Variants in MID1 observed in about 807,000 individuals in gnomAD.
MID1 encodes the protein E3 ubiquitin-protein ligase Midline-1.
Under a neutral mutation model 40.4 loss-of-function variants are expected in MID1, and 7 were observed. That is an observed-to-expected ratio of 0.17 (90% confidence interval 0.10 to 0.33). MID1 has a LOEUF of 0.33. Among genes scored for constraint, MID1 ranks in the 10% least tolerant of loss-of-function variants. The pLI is 1.00. For missense variants in MID1, 367 were observed against 558.5 expected (o/e 0.66, Z 3.46); for synonymous variants, 229 against 221.2 (o/e 1.04, Z -0.31).
At chrX:10,752,106 T>C (rs61120723) in intron 1 of MID1, among the ~76,000 whole-genome samples, 11,580 of 111,127 alleles carry the variant, frequency 0.1, 1,482 homozygotes, top group African/African-American at 0.36. Context: ...CCTGCAGAAC[T>C]GTGAGCCTAA....
intron 1 of MID1, among the ~76,000 whole-genome samples, chrX:10,686,040 G>T (rs1390014564): frequency 1.8e-5 from 2 of 111,698 alleles, no homozygotes; most frequent in African/African-American, 6.5e-5. Context: ...TAACAAGGAT[G>T]TGTCTGTGCC....
In MID1 at chrX:10,793,904, T is replaced by G. The variant is rs73491037; in HGVS notation, c.-187+39650A>C. Among the ~76,000 whole-genome samples, 8 of 111,440 alleles carry G rather than the reference T, an allele frequency of 7.2e-5. No homozygotes were observed. The East Asian group carries it at 1.7e-3, about 24-fold the overall frequency. ...TTTGTAAAGCTCTGACCATCTGATA[T>G]TCTTCCTTCCATCTCATCCTCCCTT... is the stretch of plus-strand genomic sequence containing the variant. On this transcript the variant is annotated intron_variant, in intron 1 of 10. Coordinates refer to the MID1 transcript ENST00000380785.
At chrX:10,501,357 C>T in intron 3 of MID1, 1 of 1,082,379 alleles carries the variant, frequency 9.2e-7, no homozygotes, top group Non-Finnish European at 1.2e-6. Flanking sequence ...GAAACTCAGT[C>T]ACTTTCACCT....
At chrX:10,699,582 C>T (rs996397824) in intron 1 of MID1, among the ~76,000 whole-genome samples, 5 of 111,531 alleles carry the variant, frequency 4.5e-5, no homozygotes, top group African/African-American at 1.6e-4. Flanking sequence ...GCTGATCTTT[C>T]CCTGGAGCAG....
chrX:10,508,200 A>G (rs1931940237), intron 3 of MID1, among the ~76,000 whole-genome samples: 1 of 112,251 alleles, frequency 8.9e-6, no homozygotes, highest in African/African-American at 3.2e-5. Context: ...AAGTGCACAC[A>G]TAATTAACTG....
At chrX:10,460,132 C>T (rs1286195429) in intron 7 of MID1, 1 of 324,829 alleles carries the variant, frequency 3.1e-6, no homozygotes, top group East Asian at 6.5e-5. Context: ...GCTGAAATGA[C>T]AATGTGCTAG....
intron 8 of MID1, among the ~76,000 whole-genome samples, chrX:10,458,250 TATC>T (rs1357197901): frequency 5.3e-5 from 6 of 112,367 alleles, no homozygotes; most frequent in Non-Finnish European, 7.5e-5. Context: ...TAAAGAAATA[TATC>T]ATCATGTTAT....
intron 2 of MID1, among the ~76,000 whole-genome samples, chrX:10,533,382 GAAAGAAAGA>G (rs1569089845): frequency 2.7e-3 from 88 of 32,610 alleles, no homozygotes; most frequent in Middle Eastern, 0.014. Flanking sequence ...GAAAGAAAAA[GAAAGAAAGA>G]AAAGAAAGAA....
chrX:10,780,418 G>A (rs2043837415), intron 1 of MID1, among the ~76,000 whole-genome samples: 2 of 111,932 alleles, frequency 1.8e-5, no homozygotes, highest in African/African-American at 6.5e-5. Flanking sequence ...GGGCTCTGAT[G>A]GTGGGAGGGG....
At chrX:10,576,707 G>A (rs1047795730) in intron 1 of MID1, 1 of 111,192 alleles carries the variant, frequency 9.0e-6, no homozygotes, top group African/African-American at 3.3e-5. Context: ...TTAAAAACAG[G>A]AACTAGTACA....
intron 1 of MID1, among the ~76,000 whole-genome samples, chrX:10,717,570 G>C (rs1271269843): frequency 1.8e-5 from 2 of 109,743 alleles, no homozygotes; most frequent in Non-Finnish European, 3.8e-5. Context: ...CCTACAAAGA[G>C]ACTTAGACTC....
chrX:10,469,951 T>C, intron 6 of MID1, 111 bp from the exon 7 acceptor site: 1 of 713,624 alleles, frequency 1.4e-6, no homozygotes, highest in Non-Finnish European at 2.1e-6. Context: ...CCATCAGGAC[T>C]ACTATCCTAG....
chrX:10,780,452 G>A (rs1030734449), intron 1 of MID1, among the ~76,000 whole-genome samples: 4 of 112,046 alleles, frequency 3.6e-5, no homozygotes. Context: ...AGAATTGAAA[G>A]TAGGGATTGT....
chrX:10,490,753 T>G (rs1476686652), intron 4 of MID1, among the ~76,000 whole-genome samples: 1 of 112,230 alleles, frequency 8.9e-6, no homozygotes, highest in Non-Finnish European at 1.9e-5. Flanking sequence ...AGAATGAGAT[T>G]ATTAGTTCCT....
intron 2 of MID1, among the ~76,000 whole-genome samples, chrX:10,552,511 T>C (rs1391839524): frequency 9.0e-6 from 1 of 111,394 alleles, no homozygotes; most frequent in Non-Finnish European, 1.9e-5. Flanking sequence ...AGGTTACTTA[T>C]AATAATACAA....
At chrX:10,584,172 T>C (rs1935084240) in intron 1 of MID1, among the ~76,000 whole-genome samples, 1 of 111,760 alleles carries the variant, frequency 8.9e-6, no homozygotes, top group Admixed American at 9.5e-5. Flanking sequence ...AAGAACCCAC[T>C]TCCACAAACC....
At chrX:10,473,226 G>A (rs1345501950) in intron 6 of MID1, among the ~76,000 whole-genome samples, 1 of 112,880 alleles carries the variant, frequency 8.9e-6, no homozygotes, top group Non-Finnish European at 1.9e-5. Flanking sequence ...TATCATCATA[G>A]AAAGTTTTAT....
At chrX:10,512,827 TTAAAAGCATAG>T (rs1932225631) in intron 3 of MID1, among the ~76,000 whole-genome samples, 3 of 112,357 alleles carry the variant, frequency 2.7e-5, no homozygotes, top group Non-Finnish European at 5.6e-5. Context: ...GAAAATACTT[TTAAAAGCATAG>T]TAAAAGCTCT....
At chrX:10,536,004 G>C (rs1223918548) in intron 2 of MID1, among the ~76,000 whole-genome samples, 3 of 109,981 alleles carry the variant, frequency 2.7e-5, no homozygotes, top group Non-Finnish European at 5.7e-5. Context: ...AGGATCACTT[G>C]AATCCAGGAG....
Sources: allele counts gnomAD v4.1 joint callset (sites outside exome capture counted in the v4.1 genomes callset), GRCh38; gene constraint gnomAD v4.1.1; transcripts MANE v1.5; gene names NCBI Gene and HGNC (gene_info 2026-07-23, HGNC 2026-07-21).